Variants in EFHD1 observed in about 807,000 individuals in gnomAD.
EFHD1 encodes the protein EF-hand domain-containing protein D1.
EFHD1 carries 10 observed loss-of-function variants against 17.2 expected under a neutral mutation model. That is an observed-to-expected ratio of 0.58 (90% CI 0.36 to 0.99). The LOEUF is 0.99. Ranked by LOEUF, EFHD1 falls within the 50% of genes least tolerant of loss-of-function variation. EFHD1 has a pLI of 0.01. For missense variants in EFHD1, 310 were observed against 327.5 expected (o/e 0.95, Z 0.41); for synonymous variants, 153 against 142.0 (o/e 1.08, Z -0.55).
upstream of EFHD1, among the ~76,000 whole-genome samples, chr2:232,629,029 G>A (rs13003805): frequency 0.087 from 13,221 of 152,196 alleles, 717 homozygotes; most frequent in African/African-American, 0.16. Context: ...AGCTGGAGCC[G>A]GCACGGATCC....
At chr2:232,662,290 C>T (rs551455639) in intron 1 of EFHD1, among the ~76,000 whole-genome samples, 38 of 151,884 alleles carry the variant, frequency 2.5e-4, no homozygotes, top group Non-Finnish European at 4.0e-4. Context: ...GTCATGATTC[C>T]GCACACAGGG....
intron 1 of EFHD1, among the ~76,000 whole-genome samples, chr2:232,610,054 C>T (rs373965775): frequency 2.6e-5 from 4 of 152,232 alleles, no homozygotes; most frequent in African/African-American, 9.6e-5. Flanking sequence ...GGAGAGGGCT[C>T]AGGGCACAGC....
intron 1 of EFHD1, among the ~76,000 whole-genome samples, chr2:232,653,957 A>C (rs1375738250): frequency 2.0e-5 from 3 of 152,144 alleles, no homozygotes; most frequent in African/African-American, 7.2e-5. Flanking sequence ...CTGTAATCCC[A>C]GCACTTTGGG....
chr2:232,632,782 T>G (rs1478657607), upstream of EFHD1, among the ~76,000 whole-genome samples: 1 of 152,178 alleles, frequency 6.6e-6, no homozygotes, highest in Admixed American at 6.5e-5. Flanking sequence ...AGCGCCACTA[T>G]GCCTGGCTGA....
intron 2 of EFHD1, among the ~76,000 whole-genome samples, chr2:232,670,713 A>G (rs1169488959): frequency 6.6e-6 from 1 of 152,078 alleles, no homozygotes; most frequent in Non-Finnish European, 1.5e-5. Flanking sequence ...GTGGTTGTTT[A>G]TATAACCTTG....
At chr2:232,669,359 TG>T (rs1261409408) in intron 2 of EFHD1, among the ~76,000 whole-genome samples, 2 of 152,210 alleles carry the variant, frequency 1.3e-5, no homozygotes, top group African/African-American at 2.4e-5. Context: ...CTGTGTCTCT[TG>T]CTTTGTATTT....
chr2:232,657,286 C>T (rs1214521092), intron 1 of EFHD1, among the ~76,000 whole-genome samples: 1 of 152,170 alleles, frequency 6.6e-6, no homozygotes, highest in African/African-American at 2.4e-5. Flanking sequence ...TTTGACTACT[C>T]TAGGGACCTG....
At chr2:232,608,311 A>C (rs1220275241) in intron 1 of EFHD1, among the ~76,000 whole-genome samples, 1 of 152,208 alleles carries the variant, frequency 6.6e-6, no homozygotes, top group Non-Finnish European at 1.5e-5. Flanking sequence ...CGGAGGTTGC[A>C]GTGAGTCAAG....
intron 1 of EFHD1, among the ~76,000 whole-genome samples, chr2:232,609,552 G>GC (rs893360962): frequency 6.6e-6 from 1 of 152,062 alleles, no homozygotes; most frequent in African/African-American, 2.4e-5. Context: ...ATTGACTAAA[G>GC]CCCCCCTAAG....
At chr2:232,646,785 G>C (rs1694538215) in intron 1 of EFHD1, among the ~76,000 whole-genome samples, 1 of 152,328 alleles carries the variant, frequency 6.6e-6, no homozygotes, top group Middle Eastern at 3.4e-3. Flanking sequence ...CCACCTTCCA[G>C]AGTTTCCCTG....
intron 1 of EFHD1, among the ~76,000 whole-genome samples, chr2:232,621,139 T>TG (rs1462177547): frequency 7.9e-5 from 12 of 152,220 alleles, no homozygotes; most frequent in Non-Finnish European, 1.6e-4. Context: ...CCCTGACTGC[T>TG]GTGGGCTTTT....
chr2:232,665,758 G>T (rs936893639), intron 2 of EFHD1, among the ~76,000 whole-genome samples: 3 of 152,152 alleles, frequency 2.0e-5, no homozygotes, highest in East Asian at 3.8e-4. Context: ...CAGATTAAAG[G>T]CTCAGAGCAT....
chr2:232,655,780 CT>C (rs1158762875), intron 1 of EFHD1, among the ~76,000 whole-genome samples: 1 of 151,710 alleles, frequency 6.6e-6, no homozygotes, highest in Non-Finnish European at 1.5e-5. Context: ...CCTTCCACCC[CT>C]GTCCTGTCCT....
intron 1 of EFHD1, among the ~76,000 whole-genome samples, chr2:232,639,866 TCA>T (rs1694394704): frequency 6.6e-6 from 1 of 152,172 alleles, no homozygotes; most frequent in Non-Finnish European, 1.5e-5. Flanking sequence ...ATGTGCAACC[TCA>T]CACACTCACA....
At chr2:232,632,003 C>CAA (rs538543210), upstream of EFHD1, among the ~76,000 whole-genome samples, 28 of 136,768 alleles carry the variant, frequency 2.0e-4, no homozygotes, top group Non-Finnish European at 3.5e-4. Flanking sequence ...AACTCCATCT[C>CAA]AAAAAAAAAA....
In EFHD1 at chr2:232,633,981, A is replaced by G. The variant is rs1325695242; in HGVS notation, c.277A>G (p.Lys93Glu). 9 of 1,597,316 alleles carry G rather than the reference A, an allele frequency of 5.6e-6. No homozygotes were observed. The highest frequency in any genetic ancestry group is 7.6e-6 in the Non-Finnish European group (9 of 1,179,148). ...EFPEFSRRLI[K>E]DLESMFKLYD... ...CCCGGAGTTCAGCCGCCGCCTCATC[A>G]AGGACCTGGAGAGCATGTTCAAACT... The change falls in exon 1 of 4, where the codon AAG (lysine) becomes GAG (glutamate). Residue 93 changes from lysine (K) to glutamate (E), a missense_variant. Transcript: ENST00000264059.
Position 232,681,659 on chromosome 2 carries a change from G to C in EFHD1, c.660G>C (p.Glu220Asp), listed in dbSNP as rs749490572. 3 of 1,614,282 alleles carry C rather than the reference G, an allele frequency of 1.9e-6. No homozygotes were observed. The highest frequency in any genetic ancestry group is 2.5e-6 in the Non-Finnish European group (3 of 1,180,054). Residue 220 changes from glutamate to aspartate, a missense_variant, in exon 4 of 4, where the codon GAG becomes GAC. Transcript: ENST00000264059. ...KAEQDERKRE[E>D]EERRLRQAAF... ...AGCAAGATGAGCGGAAGCGGGAGGA[G>C]GAGGAGAGGCGGCTCCGCCAGGCAG...
intron 3 of EFHD1, among the ~76,000 whole-genome samples, chr2:232,675,477 G>GTGT (rs756561814): frequency 1.4e-4 from 22 of 152,138 alleles, no homozygotes; most frequent in Non-Finnish European, 3.2e-4. Context: ...CGACTGCTGA[G>GTGT]TGTTAGAACC....
chr2:232,660,271 T>G (rs1431252462), intron 1 of EFHD1, among the ~76,000 whole-genome samples: 4 of 152,080 alleles, frequency 2.6e-5, no homozygotes, highest in African/African-American at 9.7e-5. Context: ...CTCGGCTTAC[T>G]GCAAGCTCCG....
Sources: gnomAD v4.1 joint callset for allele counts (sites outside exome capture counted in the v4.1 genomes callset) on GRCh38, gnomAD v4.1.1 for gene constraint, MANE v1.5 for transcripts, NCBI Gene and HGNC (gene_info 2026-07-23, HGNC 2026-07-21) for gene names.